N4BP2: variants seen among roughly 807,000 people sequenced by gnomAD.
The protein encoded by N4BP2 is NEDD4-binding protein 2.
N4BP2 carries 91 observed loss-of-function variants against 152.8 expected under a neutral mutation model. That is an observed-to-expected ratio of 0.60 (90% CI 0.50 to 0.71). The LOEUF (loss-of-function observed/expected upper bound fraction) is 0.71. Ranked by LOEUF, N4BP2 falls within the 30% of genes least tolerant of loss-of-function variation. N4BP2 has a pLI of 0.00. For missense variants in N4BP2, 1,923 were observed against 2,059.1 expected (o/e 0.93, Z 1.28); for synonymous variants, 646 against 705.3 (o/e 0.92, Z 1.33).
At chr4:40,097,029 A>G (rs547379439) in intron 2 of N4BP2, among the ~76,000 whole-genome samples, 198 bp from the exon 3 acceptor site, 13 of 152,364 alleles carry the variant, frequency 8.5e-5, no homozygotes, top group African/African-American at 2.9e-4. Context: ...GTTCTGAAAT[A>G]CATATTGTTA....
chr4:40,134,674 C>T (rs1448386517), intron 13 of N4BP2, among the ~76,000 whole-genome samples: 1 of 152,008 alleles, frequency 6.6e-6, no homozygotes, highest in Non-Finnish European at 1.5e-5. Flanking sequence ...GCATCCAGCC[C>T]CTAATACTGA....
intron 2 of N4BP2, among the ~76,000 whole-genome samples, chr4:40,094,498 T>A (rs1714923630): frequency 6.6e-6 from 1 of 152,202 alleles, no homozygotes; most frequent in South Asian, 2.1e-4. Context: ...GCTTCACTTA[T>A]TTTGTAGCTC....
chr4:40,111,174 T>G (rs1436604374), intron 5 of N4BP2, among the ~76,000 whole-genome samples: 3 of 152,236 alleles, frequency 2.0e-5, no homozygotes, highest in Non-Finnish European at 4.4e-5. Flanking sequence ...TACCCTTCAC[T>G]CATTTATCCT....
chr4:40,146,000 A>G (rs1720480053), intron 16 of N4BP2, among the ~76,000 whole-genome samples: 1 of 151,940 alleles, frequency 6.6e-6, no homozygotes, highest in South Asian at 2.1e-4. Flanking sequence ...CGTCTCTACT[A>G]AAAATACAAA....
chr4:40,108,557 A>C (rs1289859160), intron 5 of N4BP2, among the ~76,000 whole-genome samples: 1 of 149,930 alleles, frequency 6.7e-6, no homozygotes, highest in East Asian at 2.0e-4. Flanking sequence ...CTTGTGATTC[A>C]CCTGCCTCGG....
At chr4:40,088,039 G>A (rs927682378) in intron 2 of N4BP2, among the ~76,000 whole-genome samples, 2 of 152,028 alleles carry the variant, frequency 1.3e-5, no homozygotes, top group Non-Finnish European at 2.9e-5. Flanking sequence ...ATTACAGACC[G>A]GAGCCACCAC....
intron 2 of N4BP2, among the ~76,000 whole-genome samples, chr4:40,079,362 C>T (rs1336137692): frequency 1.3e-5 from 2 of 150,456 alleles, no homozygotes; most frequent in Non-Finnish European, 2.9e-5. Context: ...AATGATCCTC[C>T]TTCCTCGGCC....
chr4:40,106,868 G>A (rs1168454355), intron 4 of N4BP2, 32 bp from the exon 5 acceptor site: 8 of 1,562,984 alleles, frequency 5.1e-6, no homozygotes, highest in South Asian at 1.2e-5. Flanking sequence ...AGAAGAAAAG[G>A]TAATGAAAAT....
chr4:40,184,010 A>G, the N4BP2 span, among the ~76,000 whole-genome samples: 1 of 152,210 alleles, frequency 6.6e-6, no homozygotes, highest in Non-Finnish European at 1.5e-5. Flanking sequence ...GTTGATGAGG[A>G]CTGGGTCACA....
intron 2 of N4BP2, among the ~76,000 whole-genome samples, chr4:40,096,589 C>T (rs924799861): frequency 2.6e-5 from 4 of 152,112 alleles, no homozygotes; most frequent in Admixed American, 2.0e-4. Context: ...AATTGAGTCA[C>T]GCTGGCTTTG....
intron 2 of N4BP2, among the ~76,000 whole-genome samples, chr4:40,084,913 CTTT>C (rs569261971): frequency 2.5e-5 from 3 of 120,996 alleles, no homozygotes; most frequent in Non-Finnish European, 3.5e-5. Flanking sequence ...CAGCGCCTGG[CTTT>C]TTTTTTTTTT....
chr4:40,117,174 G>A (rs989043611), intron 7 of N4BP2, among the ~76,000 whole-genome samples: 1 of 152,074 alleles, frequency 6.6e-6, no homozygotes, highest in Non-Finnish European at 1.5e-5. Flanking sequence ...TCCGTCCCAT[G>A]CATTCTCTTC....
chr4:40,105,292 A>C (rs1261469738), intron 4 of N4BP2, among the ~76,000 whole-genome samples: 1 of 151,642 alleles, frequency 6.6e-6, no homozygotes, highest in Non-Finnish European at 1.5e-5. Flanking sequence ...GAAGTTGGGT[A>C]GTAGTTGAAA....
intron 8 of N4BP2, among the ~76,000 whole-genome samples, chr4:40,119,039 C>T (rs1383738830): frequency 6.6e-6 from 1 of 152,172 alleles, no homozygotes; most frequent in African/African-American, 2.4e-5. Context: ...TGGTTAAGAG[C>T]ATGGACTCTT....
the N4BP2 span, among the ~76,000 whole-genome samples, chr4:40,185,423 A>G: frequency 6.6e-6 from 1 of 152,218 alleles, no homozygotes; most frequent in Non-Finnish European, 1.5e-5. Context: ...AGTAATGTGA[A>G]TACCCTTTCA....
At chr4:40,060,406 G>T (rs562221563) in intron 1 of N4BP2, among the ~76,000 whole-genome samples, 1 of 151,864 alleles carries the variant, frequency 6.6e-6, no homozygotes, top group Non-Finnish European at 1.5e-5. Flanking sequence ...GATCACGCCC[G>T]GCTAATGTTT....
At chr4:40,075,531 G>A (rs1284530013) in intron 2 of N4BP2, among the ~76,000 whole-genome samples, 1 of 152,014 alleles carries the variant, frequency 6.6e-6, no homozygotes, top group East Asian at 1.9e-4. Flanking sequence ...CTCAGTAGCT[G>A]GGACTACAGG....
At chr4:40,105,082 G>C (rs969192076) in intron 4 of N4BP2, among the ~76,000 whole-genome samples, 1 of 152,114 alleles carries the variant, frequency 6.6e-6, no homozygotes. Context: ...GATTACAGGC[G>C]TGAGCCACCA....
At chr4:40,060,072 A>G (rs1445726095) in intron 1 of N4BP2, among the ~76,000 whole-genome samples, 1 of 151,918 alleles carries the variant, frequency 6.6e-6, no homozygotes, top group Non-Finnish European at 1.5e-5. Flanking sequence ...GAGCTCAAGC[A>G]GTCCTCCTGC....
Sources: gnomAD v4.1 joint callset for allele counts (sites outside exome capture counted in the v4.1 genomes callset) on GRCh38, gnomAD v4.1.1 for gene constraint, MANE v1.5 for transcripts, NCBI Gene and HGNC (gene_info 2026-07-23, HGNC 2026-07-21) for gene names.